XIAP: variants seen among roughly 807,000 people sequenced by gnomAD.
XIAP encodes the protein X-linked inhibitor of apoptosis.
XIAP carries 3 observed loss-of-function variants against 33.1 expected under a neutral mutation model. The observed-to-expected ratio is 0.09, with a 90% confidence interval of 0.04 to 0.23. XIAP has a LOEUF of 0.23. Among genes scored for constraint, XIAP ranks in the 10% least tolerant of loss-of-function variants. The pLI is 1.00. For missense variants in XIAP, 264 were observed against 363.0 expected (o/e 0.73, Z 2.22); for synonymous variants, 98 against 121.3 (o/e 0.81, Z 1.26).
At chrX:123,875,299 G>C (rs2053234425) in intron 1 of XIAP, among the ~76,000 whole-genome samples, 1 of 111,325 alleles carries the variant, frequency 9.0e-6, no homozygotes, top group African/African-American at 3.3e-5. Context: ...GGGATTACAG[G>C]CGTGAGCCAC....
intron 1 of XIAP, chrX:123,860,631 G>C (rs1451567621): frequency 1.4e-5 from 3 of 209,072 alleles, no homozygotes; most frequent in Non-Finnish European, 8.9e-6. Flanking sequence ...TGTGGAGCAG[G>C]GTGGAGTGTG....
intron 6 of XIAP, among the ~76,000 whole-genome samples, chrX:123,904,619 T>C (rs1372616237): frequency 9.0e-6 from 1 of 111,166 alleles, no homozygotes; most frequent in Non-Finnish European, 1.9e-5. Flanking sequence ...TTGTTTTATT[T>C]TGTTTTGTTT....
chrX:123,860,212 C>A lies in XIAP; in HGVS notation c.-114C>A, dbSNP rs751160417. ...CGGAGTTGGCATTTCCAGATTGGGGCTCGGGCCGCGCCTCCTCCGGGACCC... is the reference window on the plus strand; with the variant it reads ...CGGAGTTGGCATTTCCAGATTGGGGATCGGGCCGCGCCTCCTCCGGGACCC... On this transcript the variant is annotated 5_prime_UTR_variant, in exon 1 of 7. Coordinates refer to ENST00000371199, the MANE Select transcript of XIAP (RefSeq NM_001167.4). The A allele has an allele frequency of 3.0e-6, 1 of 328,807 alleles. No individual in the cohort carries two copies. The highest frequency in any genetic ancestry group is 5.9e-6 in the Non-Finnish European group (1 of 169,805). The allele number at this position is 328,807 out of a possible 1,213,427, so 27.1% of individuals were successfully genotyped here. A position where few individuals can be genotyped will look rare whatever the true frequency, so the allele number is the denominator to read the frequency against.
Position 123,913,066 on chromosome X carries a change from C to G in XIAP, c.*5885C>G, listed in dbSNP as rs750297284. The G allele has an allele frequency of 6.2e-6, 2 of 324,220 alleles. No homozygotes were observed. Among genetic ancestry groups the G allele is most frequent in the South Asian group, 5.3e-5 (2 of 37,516 alleles). The allele number at this position is 324,220 out of a possible 1,213,427, so 26.7% of individuals were successfully genotyped here. ...AAAGTGCTGGGATTACAGGTGTGAA[C>G]CACTGCTCCCGGCCTTGTGTGATTT... On this transcript the variant is annotated 3_prime_UTR_variant, in exon 7 of 7. Coordinates refer to ENST00000371199, the MANE Select transcript of XIAP (RefSeq NM_001167.4).
In XIAP at chrX:123,910,514, G is replaced by C. The variant is rs1241106831; in HGVS notation, c.*3333G>C. ...ATTACACAGGTGTTGAATGGGGAAA[G>C]GGGCTAGTATATCAGTAGGATATAC... On this transcript the variant is annotated 3_prime_UTR_variant, in exon 7 of 7. Transcript: ENST00000371199. 3.1e-6 allele frequency: 1 copy of C among 327,397 alleles called. No individual in the cohort carries two copies. The highest frequency in any genetic ancestry group is 5.9e-6 in the Non-Finnish European group (1 of 169,671). 27.0% of individuals were successfully genotyped at this position (327,397 alleles called of 1,213,427 possible). A position where few individuals can be genotyped will look rare whatever the true frequency, so the allele number is the denominator to read the frequency against.
rs1289182886 is a variant in XIAP, at chrX:123,911,016, G to GAGAC, written c.*3836_*3839dup. ...TCTTACAAGGTTGCAAGAGCTCAAGGAGACCATGTATGTAAAGTTCCTGCT... is the reference window on the plus strand; with the variant it reads ...TCTTACAAGGTTGCAAGAGCTCAAGGAGACAGACCATGTATGTAAAGTTCCTGCT... On this transcript the variant is annotated 3_prime_UTR_variant, in exon 7 of 7. Transcript: ENST00000371199. 1.8e-5 allele frequency: 6 copies of GAGAC among 326,945 alleles called. No homozygotes were observed. Among genetic ancestry groups the GAGAC allele is most frequent in the African/African-American group, 1.6e-4 (6 of 37,463 alleles). The allele number at this position is 326,945 out of a possible 1,213,427, so 26.9% of individuals were successfully genotyped here. A position where few individuals can be genotyped will look rare whatever the true frequency, so the allele number is the denominator to read the frequency against.
In XIAP at chrX:123,909,703, C is replaced by T. The variant is rs2053582867; in HGVS notation, c.*2522C>T. On this transcript the variant is annotated 3_prime_UTR_variant, in exon 7 of 7. Transcript: ENST00000371199. ...CTTGTATGTTTAGAGTTAAGCAAGA[C>T]TTTTTTTCTTCCTCTCCATGAGTTG... 1 of 327,392 alleles carries T rather than the reference C, an allele frequency of 3.1e-6. No homozygotes were observed. Among genetic ancestry groups the T allele is most frequent in the Admixed American group, 3.1e-5 (1 of 31,767 alleles). The allele number at this position is 327,392 out of a possible 1,213,427, so 27.0% of individuals were successfully genotyped here. A position where few individuals can be genotyped will look rare whatever the true frequency, so the allele number is the denominator to read the frequency against.
intron 1 of XIAP, chrX:123,860,644 T>G: frequency 5.7e-6 from 1 of 175,875 alleles, no homozygotes; most frequent in Non-Finnish European, 1.1e-5. Context: ...GGAGTGTGTC[T>G]GGAGAGGGCA....
At chrX:123,865,899 C>T (rs899575409) in intron 1 of XIAP, among the ~76,000 whole-genome samples, 4 of 109,053 alleles carry the variant, frequency 3.7e-5, no homozygotes, top group African/African-American at 9.9e-5. Context: ...GGATTACAGG[C>T]GTGTGCTACC....
chrX:123,867,808 G>A (rs2053157798), intron 1 of XIAP, among the ~76,000 whole-genome samples: 1 of 107,993 alleles, frequency 9.3e-6, no homozygotes. Context: ...CAAGTAGCTG[G>A]GATTACAGGC....
intron 1 of XIAP, among the ~76,000 whole-genome samples, chrX:123,870,021 G>A (rs780604945): frequency 7.0e-4 from 79 of 112,274 alleles, no homozygotes; most frequent in African/African-American, 2.2e-3. Flanking sequence ...GTGCAGTGGC[G>A]CAATCTCAGC....
intron 1 of XIAP, among the ~76,000 whole-genome samples, chrX:123,863,425 TG>T (rs2148068043): frequency 9.0e-6 from 1 of 111,524 alleles, no homozygotes; most frequent in Non-Finnish European, 1.9e-5. Flanking sequence ...AACTCCAGCC[TG>T]GGCCACAGAG....
rs1252669017 is a variant in XIAP at position 123,911,432 on chromosome X, G to A, written c.*4251G>A. 1.0e-5 allele frequency: 3 copies of A among 289,540 alleles called. No individual in the cohort carries two copies. The highest frequency in any genetic ancestry group is 3.3e-5 in the South Asian group (1 of 29,898). The allele number at this position is 289,540 out of a possible 1,213,427, so 23.9% of individuals were successfully genotyped here. A position where few individuals can be genotyped will look rare whatever the true frequency, so the allele number is the denominator to read the frequency against. On this transcript the variant is annotated 3_prime_UTR_variant, in exon 7 of 7. Coordinates refer to ENST00000371199, the MANE Select transcript of XIAP (RefSeq NM_001167.4). ...GCGGAGGTTGTGGTGAGCGAAGATC[G>A]TGCCATTGCACTCCAGCCTGGGCAA...
intron 1 of XIAP, chrX:123,874,689 G>A (rs2053225735): frequency 1.3e-5 from 1 of 76,276 alleles, no homozygotes; most frequent in Non-Finnish European, 2.3e-5. Flanking sequence ...ATGAAATGAT[G>A]GGGGATTTTT....
rs2053559787 is a variant in XIAP at position 123,906,996 on chromosome X, A to G, written c.1309A>G (p.Thr437Ala). ...ATTTTCTCTTTTTGCAGAGATTAGTACTGAAGAGCAGCTAAGGCGCCTGCA... is the reference window on the plus strand; with the variant it reads ...ATTTTCTCTTTTTGCAGAGATTAGTGCTGAAGAGCAGCTAAGGCGCCTGCA... ...SQTSLQKEISTEEQLRRLQEE... is the reference protein window; with the variant it reads ...SQTSLQKEISAEEQLRRLQEE... The change falls in exon 7 of 7, where the codon ACT becomes GCT. Residue 437 changes from threonine to alanine, a missense_variant. Transcript: ENST00000371199. 1.1e-5 allele frequency: 13 copies of G among 1,211,446 alleles called. No homozygotes were observed. The highest frequency in any genetic ancestry group is 1.5e-5 in the Non-Finnish European group (13 of 895,093).
chrX:123,894,351 A>G (rs1272993643), intron 5 of XIAP, among the ~76,000 whole-genome samples: 2 of 112,848 alleles, frequency 1.8e-5, no homozygotes, highest in African/African-American at 6.4e-5. Flanking sequence ...TCTGAATCCT[A>G]CATCACAGGG....
chrX:123,890,742 G>A (rs895620467), intron 3 of XIAP, among the ~76,000 whole-genome samples: 7 of 109,210 alleles, frequency 6.4e-5, no homozygotes, highest in East Asian at 5.8e-4. Flanking sequence ...AGGAGTTTGA[G>A]ACCAGCCTGA....
In XIAP at chrX:123,885,783, C is replaced by G; in HGVS notation, c.121C>G (p.Pro41Ala). ...TTTTGCTAATTTTCCAAGTGGTAGT[C>G]CTGTTTCAGCATCAACACTGGCACG... is the stretch of plus-strand genomic sequence containing the variant. ...KTFANFPSGS[P>A]VSASTLARAG... Residue 41 changes from proline (P) to alanine (A), a missense_variant, in exon 2 of 7, where the codon CCT becomes GCT. Pro to Ala is a conservative substitution (Grantham distance 27, BLOSUM62 -1). Coordinates refer to ENST00000371199, the MANE Select transcript of XIAP (RefSeq NM_001167.4). 3 of 1,211,609 alleles carry G rather than the reference C, an allele frequency of 2.5e-6. No homozygotes were observed. Among genetic ancestry groups the G allele is most frequent in the Non-Finnish European group, 3.4e-6 (3 of 895,502 alleles).
At chrX:123,880,668 C>G (rs1042291270) in intron 1 of XIAP, among the ~76,000 whole-genome samples, 5 of 97,367 alleles carry the variant, frequency 5.1e-5, no homozygotes, top group Admixed American at 5.0e-4. Flanking sequence ...ACCTGGGAGG[C>G]GGAGGTTGCA....
Sources: gnomAD v4.1 joint callset for allele counts (sites outside exome capture counted in the v4.1 genomes callset) on GRCh38, gnomAD v4.1.1 for gene constraint, MANE v1.5 for transcripts, NCBI Gene and HGNC (gene_info 2026-07-23, HGNC 2026-07-21) for gene names.